KCNH8: variants seen among roughly 807,000 people sequenced by gnomAD.
KCNH8 encodes potassium voltage-gated channel subfamily H member 8.
A neutral mutation model predicts 103.6 loss-of-function variants in KCNH8; 70 were observed. The ratio of observed to expected loss-of-function variants is 0.68; its 90% CI spans 0.56 to 0.82. The LOEUF is 0.82. KCNH8 is among the 40% of genes least tolerant of loss of function. KCNH8 has a pLI of 0.00. For synonymous variants in KCNH8, 498 were observed against 489.4 expected (o/e 1.02, Z -0.23); for missense variants, 1,217 against 1,329.9 (o/e 0.92, Z 1.32).
At chr3:19,516,686 C>T (rs138445157) in intron 14 of KCNH8, among the ~76,000 whole-genome samples, 5 of 152,098 alleles carry the variant, frequency 3.3e-5, no homozygotes, top group African/African-American at 9.6e-5. Context: ...CCTACCCCTA[C>T]GCTTACACAT....
chr3:19,223,533 T>C (rs538640707), intron 1 of KCNH8, among the ~76,000 whole-genome samples: 8 of 152,296 alleles, frequency 5.3e-5, no homozygotes, highest in South Asian at 4.1e-4. Flanking sequence ...TATTTACTTA[T>C]CTATGTGTTC....
rs116742741 is a variant in KCNH8 at position 19,310,064 on chromosome 3, G to A, written c.442+28735G>A. Among the ~76,000 whole-genome samples, 992 of 152,034 alleles carry A rather than the reference G, an allele frequency of 6.5e-3. 5 individuals are homozygous for A. The highest frequency in any genetic ancestry group is 0.022 in the African/African-American group (911 of 41,524). On this transcript the variant is annotated intron_variant, in intron 3 of 15. Transcript: ENST00000328405. ...AATATTAAAACATTTATGAGGCAGG[G>A]CTATGCCTTTGCATTCTTGCTCCTA...
At chr3:19,383,619 C>G (rs985750575) in intron 5 of KCNH8, among the ~76,000 whole-genome samples, 1 of 152,096 alleles carries the variant, frequency 6.6e-6, no homozygotes, top group East Asian at 1.9e-4. Flanking sequence ...GTGATCCACC[C>G]GCCTTGGCCT....
chr3:19,219,012 A>G (rs1269394422), intron 1 of KCNH8, among the ~76,000 whole-genome samples: 1 of 152,174 alleles, frequency 6.6e-6, no homozygotes, highest in Non-Finnish European at 1.5e-5. Flanking sequence ...TTGGGACTTC[A>G]ACATATGAAT....
chr3:19,470,648 T>A (rs2067836452), intron 11 of KCNH8, among the ~76,000 whole-genome samples: 1 of 152,130 alleles, frequency 6.6e-6, no homozygotes, highest in South Asian at 2.1e-4. Context: ...GTGGTTTCCA[T>A]GGAATCCCTG....
In KCNH8 at chr3:19,502,020, AC is replaced by A. The variant is rs1486870762; in HGVS notation, c.2041-8339del. ...GATGACATGATTGTATATCTAGAAA[AC>A]CCCATTGTCTCAGCCCAAAATCTCC... On this transcript the variant is annotated intron_variant, in intron 11 of 15. Coordinates refer to ENST00000328405, the MANE Select transcript of KCNH8 (RefSeq NM_144633.3). 2.6e-5 allele frequency among the ~76,000 whole-genome samples: 4 copies of A among 151,522 alleles called. No individual in the cohort carries two copies. The East Asian group carries it at 7.8e-4, about 29-fold the overall frequency.
chr3:19,513,756 T>C (rs1575163547), intron 13 of KCNH8, among the ~76,000 whole-genome samples: 1 of 152,202 alleles, frequency 6.6e-6, no homozygotes, highest in African/African-American at 2.4e-5. Flanking sequence ...TTTTTCATAC[T>C]ATTCTTGCCT....
chr3:19,481,339 C>T (rs1278359883), intron 11 of KCNH8, among the ~76,000 whole-genome samples: 2 of 152,020 alleles, frequency 1.3e-5, no homozygotes, highest in African/African-American at 4.8e-5. Context: ...CTCCATTTCT[C>T]TCTTTTGTCT....
intron 11 of KCNH8, among the ~76,000 whole-genome samples, chr3:19,487,148 G>A (rs559030083): frequency 1.3e-5 from 2 of 152,182 alleles, no homozygotes; most frequent in Non-Finnish European, 2.9e-5. Flanking sequence ...GAACCCTTGG[G>A]GAAGCCGGGT....
chr3:19,300,559 GC>G (rs921122574), intron 3 of KCNH8, among the ~76,000 whole-genome samples: 3 of 152,028 alleles, frequency 2.0e-5, no homozygotes, highest in African/African-American at 7.2e-5. Flanking sequence ...CAAAAAATAT[GC>G]TTAAGGAAAC....
At chr3:19,188,435 T>A (rs1434077722) in intron 1 of KCNH8, among the ~76,000 whole-genome samples, 3 of 152,034 alleles carry the variant, frequency 2.0e-5, no homozygotes, top group Non-Finnish European at 2.9e-5. Flanking sequence ...TGTAAACAAA[T>A]GAATGTGGTT....
intron 2 of KCNH8, among the ~76,000 whole-genome samples, chr3:19,274,196 A>G (rs1004639489): frequency 1.3e-5 from 2 of 152,184 alleles, no homozygotes; most frequent in Non-Finnish European, 2.9e-5. Flanking sequence ...TGTGACCTGA[A>G]GAAAATACTA....
chr3:19,194,429 G>C (rs896057952), intron 1 of KCNH8, among the ~76,000 whole-genome samples: 7 of 151,748 alleles, frequency 4.6e-5, no homozygotes, highest in African/African-American at 1.7e-4. Flanking sequence ...TGAGTGACAG[G>C]CTTAACCCAC....
At position 19,205,143 on chromosome 3, in the gene KCNH8, A is replaced by G. The variant is rs184899602; in HGVS notation, c.77-48511A>G. Among the ~76,000 whole-genome samples, 165 of 152,058 alleles carry G rather than the reference A, an allele frequency of 1.1e-3. 1 individual carries two copies. Among genetic ancestry groups the G allele is most frequent in the Non-Finnish European group, 1.8e-4 (12 of 67,954 alleles). On this transcript the variant is annotated intron_variant, in intron 1 of 15. Transcript: ENST00000328405. ...TACCCATCCACCTACCCAACTATCT[A>G]TCTACCTATCCATCCACTCACTCTT...
intron 3 of KCNH8, among the ~76,000 whole-genome samples, chr3:19,291,064 G>C (rs1177739719): frequency 6.6e-6 from 1 of 152,158 alleles, no homozygotes; most frequent in East Asian, 1.9e-4. Context: ...ATGGTAGTTT[G>C]TATTTCTGTG....
chr3:19,503,777 G>T (rs144834697), intron 11 of KCNH8, among the ~76,000 whole-genome samples: 13,469 of 144,212 alleles, frequency 0.093, 823 homozygotes, highest in Middle Eastern at 0.19. Flanking sequence ...GGGGACTATT[G>T]TGGGGTAGGG....
chr3:19,400,521 CAA>C (rs1174126134), intron 7 of KCNH8, among the ~76,000 whole-genome samples: 2 of 151,804 alleles, frequency 1.3e-5, no homozygotes, highest in African/African-American at 2.4e-5. Context: ...CTTCAAAGGT[CAA>C]AGAGTATTTT....
At chr3:19,258,186 T>C (rs2064371142) in intron 2 of KCNH8, among the ~76,000 whole-genome samples, 1 of 152,054 alleles carries the variant, frequency 6.6e-6, no homozygotes. Context: ...GAAGATAAAA[T>C]TCAACCTAAA....
intron 3 of KCNH8, among the ~76,000 whole-genome samples, chr3:19,324,662 C>A (rs1470779083): frequency 6.6e-6 from 1 of 152,092 alleles, no homozygotes; most frequent in Non-Finnish European, 1.5e-5. Flanking sequence ...GGGAGTACTA[C>A]AAACTACTAC....
Sources: gnomAD v4.1 joint callset for allele counts (sites outside exome capture counted in the v4.1 genomes callset) on GRCh38, gnomAD v4.1.1 for gene constraint, MANE v1.5 for transcripts, NCBI Gene and HGNC (gene_info 2026-07-23, HGNC 2026-07-21) for gene names.